Variants in MYO5A observed in about 807,000 individuals in gnomAD.
The protein encoded by MYO5A is myosin VA.
Under a neutral mutation model 249.7 loss-of-function variants are expected in MYO5A, and 98 were observed. The observed-to-expected ratio is 0.39, with a 90% CI of 0.33 to 0.46. The LOEUF (loss-of-function observed/expected upper bound fraction) is 0.46, where lower values mean the gene tolerates loss of function less well. Ranked by LOEUF, MYO5A falls within the 20% of genes least tolerant of loss-of-function variation. The pLI is 0.98. For missense variants in MYO5A, 1,696 were observed against 2,308.8 expected (o/e 0.73, Z 5.44); for synonymous variants, 778 against 810.6 (o/e 0.96, Z 0.68).
intron 14 of MYO5A, among the ~76,000 whole-genome samples, chr15:52,385,031 G>T (rs2041917789): frequency 6.6e-6 from 1 of 152,134 alleles, no homozygotes; most frequent in African/African-American, 2.4e-5. Context: ...TATCAGGTTA[G>T]CAATGTGAAA....
At chr15:52,384,665 T>C (rs1467976532) in intron 14 of MYO5A, among the ~76,000 whole-genome samples, 2 of 152,196 alleles carry the variant, frequency 1.3e-5, no homozygotes, top group Non-Finnish European at 2.9e-5. Context: ...AAAACAGTAA[T>C]TGAAAGTCTT....
chr15:52,382,418 A>G (rs994121117), intron 16 of MYO5A, among the ~76,000 whole-genome samples: 1 of 152,080 alleles, frequency 6.6e-6, no homozygotes, highest in African/African-American at 2.4e-5. Context: ...CTAAAAATAG[A>G]AAATTAGTTG....
In MYO5A at chr15:52,375,306, T is replaced by C; in HGVS notation, c.2575A>G (p.Lys859Glu). 1 of 1,614,086 alleles carries C rather than the reference T, an allele frequency of 6.2e-7. No homozygotes were observed. The highest frequency in any genetic ancestry group is 8.5e-7 in the Non-Finnish European group (1 of 1,179,956). ...CAAAGTTGAAAATAATGCCTCACCTTGCGATACCTATTTCTGGCCAAGAAG... is the reference window on the plus strand; with the variant it reads ...CAAAGTTGAAAATAATGCCTCACCTCGCGATACCTATTTCTGGCCAAGAAG... Reference protein sequence around the residue: ...RGFLARNRYRKILREHKAVII... With the variant: ...RGFLARNRYREILREHKAVII... Residue 859 changes from lysine to glutamate, a missense_variant and splice_region_variant, in exon 20 of 42, where the codon AAG (lysine) becomes GAG (glutamate). Physicochemically the swap from Lys to Glu is moderately conservative, Grantham distance 56. This residue lies in a region of MYO5A where 412 missense variants were observed against 453.3 expected (regional missense o/e 0.91). Transcript: ENST00000399233.
chr15:52,410,191 G>C, intron 6 of MYO5A, 142 bp downstream of exon 6: 2 of 1,026,326 alleles, frequency 1.9e-6, no homozygotes, highest in Non-Finnish European at 3.0e-6. Context: ...CATTTTACAG[G>C]CTTCAGTCCA....
chr15:52,439,203 G>A lies in MYO5A; in HGVS notation c.28-5918C>T, dbSNP rs570968511. 4.3e-4 allele frequency among the ~76,000 whole-genome samples: 66 copies of A among 152,270 alleles called. No individual in the cohort carries two copies. The South Asian group carries it at 0.012, about 28-fold the overall frequency. On this transcript the variant is annotated intron_variant, in intron 1 of 41. Coordinates refer to ENST00000399233, the MANE Select transcript of MYO5A (RefSeq NM_001382347.1). Reference sequence around the variant, plus strand: ...CTTGCCACCATCTTGGAAGTGGCCCGCCGCCATTTTGGAAGTGGCCTGCCA... The same window carrying A: ...CTTGCCACCATCTTGGAAGTGGCCCACCGCCATTTTGGAAGTGGCCTGCCA...
intron 34 of MYO5A, among the ~76,000 whole-genome samples, chr15:52,333,912 T>C (rs1176495477): frequency 1.3e-5 from 2 of 152,238 alleles, no homozygotes; most frequent in African/African-American, 4.8e-5. Context: ...TTCTCTTTAT[T>C]TGGGGTAGAA....
At chr15:52,506,168 A>G (rs2077266976) in intron 1 of MYO5A, among the ~76,000 whole-genome samples, 1 of 152,070 alleles carries the variant, frequency 6.6e-6, no homozygotes, top group Non-Finnish European at 1.5e-5. Context: ...TGGCTAACGC[A>G]GTGAAACCCC....
intron 40 of MYO5A, 136 bp downstream of exon 40, chr15:52,316,912 G>T: frequency 1.1e-6 from 1 of 901,802 alleles, no homozygotes. Flanking sequence ...TTTAAGATTG[G>T]TAGAGGCATA....
At chr15:52,428,272 C>T (rs769762653) in intron 3 of MYO5A, 126 bp downstream of exon 3, 23 of 962,808 alleles carry the variant, frequency 2.4e-5, no homozygotes, top group Non-Finnish European at 3.3e-5. Context: ...TCTGATAACG[C>T]TCAAGTGATT....
rs775044033 is a variant in MYO5A at position 52,311,519 on chromosome 15, A to ATTT, written c.*2176_*2177insAAA. The ATTT allele has an allele frequency of 4.6e-5, 7 of 152,258 alleles. No homozygotes were observed. Among genetic ancestry groups the ATTT allele is most frequent in the Non-Finnish European group, 7.3e-5 (5 of 68,044 alleles). 9.4% of individuals were successfully genotyped at this position (152,258 alleles called of 1,614,324 possible). ...TAAATAAATAAATGTATTCAAACTG[A>ATTT]ATAAAGCAATACATGATGTAATAAA... On this transcript the variant is annotated 3_prime_UTR_variant, in exon 42 of 42. Coordinates refer to ENST00000399233, the MANE Select transcript of MYO5A (RefSeq NM_001382347.1).
intron 18 of MYO5A, 29 bp from the exon 19 acceptor site, chr15:52,376,587 A>T: frequency 6.3e-7 from 1 of 1,580,834 alleles, no homozygotes; most frequent in Non-Finnish European, 8.7e-7. Flanking sequence ...GTATATTCAG[A>T]AATAATAATC....
chr15:52,397,329 C>T lies in MYO5A; in HGVS notation c.1191G>A (p.Thr397=), dbSNP rs2924130. The T allele has an allele frequency of 6.2e-3, 9,985 of 1,613,964 alleles. 563 individuals are homozygous for T. The African/African-American group carries it at 0.12, about 19-fold the overall frequency. Residue 397 remains threonine, a synonymous_variant, in exon 10 of 42, where the codon ACG becomes ACA. Transcript: ENST00000399233. ...YIKPISKLQA[T]NARDALAKHI... ...GCTTGGCCAAAGCATCGCGGGCATT[C>T]GTGGCCTGCAGCTTGGAGATGGGCT...
intron 1 of MYO5A, among the ~76,000 whole-genome samples, chr15:52,485,271 AAAAAAAAAC>A (rs1410544517): frequency 6.6e-6 from 1 of 151,298 alleles, no homozygotes; most frequent in African/African-American, 2.4e-5. Flanking sequence ...AAAAAAAAAA[AAAAAAAAAC>A]AAGACTGTCA....
intron 40 of MYO5A, 107 bp from the exon 41 acceptor site, chr15:52,314,310 C>T (rs2037887591): frequency 4.8e-6 from 4 of 829,342 alleles, no homozygotes; most frequent in South Asian, 1.4e-5. Flanking sequence ...TTCAGTTCTA[C>T]TCAGGGGTGG....
intron 25 of MYO5A, among the ~76,000 whole-genome samples, chr15:52,355,059 G>A (rs1453279679): frequency 1.3e-5 from 2 of 152,188 alleles, no homozygotes; most frequent in African/African-American, 4.8e-5. Flanking sequence ...AAGACGGAAT[G>A]TACTATGGGA....
intron 1 of MYO5A, among the ~76,000 whole-genome samples, chr15:52,508,976 ATTT>A (rs113511621): frequency 6.9e-6 from 1 of 145,284 alleles, no homozygotes; most frequent in Non-Finnish European, 1.5e-5. Flanking sequence ...TTTTTTTGTA[ATTT>A]TTTTTTTTTT....
intron 9 of MYO5A, among the ~76,000 whole-genome samples, chr15:52,403,303 G>A (rs1394721179): frequency 6.6e-6 from 1 of 152,080 alleles, no homozygotes; most frequent in Non-Finnish European, 1.5e-5. Flanking sequence ...CAGCCAAAAG[G>A]TGAAACAACT....
intron 3 of MYO5A, among the ~76,000 whole-genome samples, chr15:52,426,516 GCA>G (rs1379375476): frequency 6.6e-6 from 1 of 152,186 alleles, no homozygotes; most frequent in African/African-American, 2.4e-5. Context: ...AAGCTGGAGT[GCA>G]ATGTTACTAT....
intron 4 of MYO5A, among the ~76,000 whole-genome samples, chr15:52,416,771 A>T (rs1276551442): frequency 2.0e-5 from 3 of 152,300 alleles, no homozygotes; most frequent in African/African-American, 7.2e-5. Flanking sequence ...CTGTCTAGTG[A>T]CTTTGCAGCT....
Sources: allele counts gnomAD v4.1 joint callset (sites outside exome capture counted in the v4.1 genomes callset), GRCh38; gene constraint gnomAD v4.1.1; regional missense constraint gnomAD v4.1.1; transcripts MANE v1.5; gene names NCBI Gene and HGNC (gene_info 2026-07-23, HGNC 2026-07-21).